The following SHTN1 variants were observed in gnomAD, a reference collection of about 807,000 sequenced individuals.
The protein encoded by SHTN1 is shootin-1.
Under a neutral mutation model 83.1 loss-of-function variants are expected in SHTN1, and 42 were observed. That is an observed-to-expected ratio of 0.51 (90% CI 0.39 to 0.65). The LOEUF (loss-of-function observed/expected upper bound fraction) is 0.65, where lower values mean the gene tolerates loss of function less well. Ranked by LOEUF, SHTN1 falls within the 30% of genes least tolerant of loss-of-function variation. SHTN1 has a pLI of 0.00. For synonymous variants in SHTN1, 224 were observed against 247.7 expected, an observed-to-expected ratio of 0.90 and a Z score of 0.90; for missense variants, 622 against 737.8, an observed-to-expected ratio of 0.84 and a Z score of 1.82.
intron 2 of SHTN1, among the ~76,000 whole-genome samples, chr10:117,011,454 T>C (rs879407008): frequency 3.9e-5 from 6 of 152,204 alleles, no homozygotes; most frequent in Non-Finnish European, 8.8e-5. Context: ...TATTAGTCAA[T>C]ATGTCTGTCC....
chr10:117,088,880 GTCTGGGGCACTT>G (rs1456857492), intron 1 of SHTN1, among the ~76,000 whole-genome samples: 1 of 152,214 alleles, frequency 6.6e-6, no homozygotes, highest in Non-Finnish European at 1.5e-5. Flanking sequence ...CAGGGGTCTT[GTCTGGGGCACTT>G]TCAGTGAAGC....
chr10:117,075,358 G>C (rs1255865684), intron 1 of SHTN1, among the ~76,000 whole-genome samples: 1 of 152,268 alleles, frequency 6.6e-6, no homozygotes, highest in South Asian at 2.1e-4. Context: ...ATTTGAGATG[G>C]TAAAAGCCTT....
chr10:116,905,171 C>T (rs1414501054), intron 15 of SHTN1, among the ~76,000 whole-genome samples: 1 of 146,390 alleles, frequency 6.8e-6, no homozygotes, highest in East Asian at 2.0e-4. Flanking sequence ...CACTGCAGTC[C>T]GCAGTCCAGC....
At chr10:116,893,222 T>C (rs1847394113) in intron 16 of SHTN1, among the ~76,000 whole-genome samples, 2 of 152,070 alleles carry the variant, frequency 1.3e-5, no homozygotes, top group South Asian at 2.1e-4. Flanking sequence ...GATAACTCCT[T>C]GGCAGCGGGG....
Position 116,882,416 on chromosome 10 carries a change from AT to A in SHTN1, c.*3927del, listed in dbSNP as rs1470438394. On this transcript the variant is annotated 3_prime_UTR_variant, in exon 17 of 17. Coordinates refer to ENST00000355371, the MANE Select transcript of SHTN1 (RefSeq NM_001127211.3). ...CAAGTGATAAAAAAAAAAAAAAAAA[AT>A]GATGTGACATATCCATTGCCTGAAT... 1.5e-3 allele frequency: 173 copies of A among 112,334 alleles called. No individual in the cohort carries two copies. Among genetic ancestry groups the A allele is most frequent in the African/African-American group, 5.2e-3 (152 of 29,332 alleles). The allele number at this position is 112,334 out of a possible 1,614,324, so 7.0% of individuals were successfully genotyped here. A position where few individuals can be genotyped will look rare whatever the true frequency, so the allele number is the denominator to read the frequency against.
intron 1 of SHTN1, among the ~76,000 whole-genome samples, chr10:117,079,015 A>G (rs200302740): frequency 0.085 from 4,288 of 50,470 alleles, 142 homozygotes; most frequent in East Asian, 0.33. Flanking sequence ...TTGGCTAGAG[A>G]TTTGTGAATT....
intron 2 of SHTN1, among the ~76,000 whole-genome samples, chr10:117,018,841 G>T (rs535911578): frequency 6.6e-6 from 1 of 152,110 alleles, no homozygotes. Flanking sequence ...AAAGTGCTGG[G>T]ATTACAGGCG....
chr10:116,900,383 A>C lies in SHTN1; in HGVS notation c.1673+1382T>G, dbSNP rs1200469386. On this transcript the variant is annotated intron_variant, in intron 16 of 16. Coordinates refer to ENST00000355371, the MANE Select transcript of SHTN1 (RefSeq NM_001127211.3). ...ATCTAACAACTGTGTCTGTCAACACATGGATCCTTTTCACTGTCAATTCAA... is the reference window on the plus strand; with the variant it reads ...ATCTAACAACTGTGTCTGTCAACACCTGGATCCTTTTCACTGTCAATTCAA... 3 of 671,368 alleles carry C rather than the reference A, an allele frequency of 4.5e-6. No individual in the cohort carries two copies. The Admixed American group carries it at 7.6e-5, about 17-fold the overall frequency. The allele number at this position is 671,368 out of a possible 1,614,324, so 41.6% of individuals were successfully genotyped here.
intron 2 of SHTN1, among the ~76,000 whole-genome samples, chr10:116,973,649 G>A (rs1029577682): frequency 6.6e-6 from 1 of 152,116 alleles, no homozygotes; most frequent in Non-Finnish European, 1.5e-5. Context: ...AAGGACACCC[G>A]ATATAATGTG....
At chr10:116,933,207 T>C (rs1194047519) in intron 9 of SHTN1, among the ~76,000 whole-genome samples, 2 of 152,124 alleles carry the variant, frequency 1.3e-5, no homozygotes, top group Non-Finnish European at 2.9e-5. Context: ...CTGGGATACA[T>C]GTGTAGAATG....
chr10:116,970,872 A>G (rs1589855761), intron 2 of SHTN1, among the ~76,000 whole-genome samples: 1 of 152,106 alleles, frequency 6.6e-6, no homozygotes, highest in Non-Finnish European at 1.5e-5. Flanking sequence ...AATATACAAC[A>G]TTTATAACAG....
At position 116,954,076 on chromosome 10, in the gene SHTN1, A is replaced by G; in HGVS notation, c.402T>C (p.Thr134=). ...GCTTCTGACACTGTACTGAGACACA[A>G]GTCTCGGCGGCACCGTCTGTGTCTG... The part of the protein sequence containing the change: ...STTDTDGAAE[T]CVSVQCQKQI... Residue 134 remains threonine (T), a synonymous_variant, in exon 5 of 17, where the codon ACT becomes ACC. Transcript: ENST00000355371. 6.2e-7 allele frequency: 1 copy of G among 1,612,890 alleles called. No individual in the cohort carries two copies. Among genetic ancestry groups the G allele is most frequent in the South Asian group, 1.1e-5 (1 of 90,734 alleles).
chr10:116,979,049 C>T (rs939464396), intron 2 of SHTN1, among the ~76,000 whole-genome samples: 2 of 152,204 alleles, frequency 1.3e-5, no homozygotes, highest in African/African-American at 4.8e-5. Flanking sequence ...CAGAGCTGCA[C>T]CCACTGTGGC....
At chr10:116,918,562 T>C (rs1333604831) in intron 12 of SHTN1, among the ~76,000 whole-genome samples, 1 of 152,208 alleles carries the variant, frequency 6.6e-6, no homozygotes, top group African/African-American at 2.4e-5. Flanking sequence ...GTCATAAAGT[T>C]AAAGAAATTT....
intron 9 of SHTN1, 27 bp downstream of exon 9, chr10:116,940,439 C>T (rs1311465444): frequency 6.2e-7 from 1 of 1,610,730 alleles, no homozygotes; most frequent in Admixed American, 1.7e-5. Context: ...GTGTGTGTAC[C>T]TAAGATTCCA....
At chr10:116,961,141 C>T (rs1850170313) in intron 3 of SHTN1, among the ~76,000 whole-genome samples, 1 of 151,412 alleles carries the variant, frequency 6.6e-6, no homozygotes, top group Non-Finnish European at 1.5e-5. Context: ...AATTAAAGGA[C>T]ACCCAAATGT....
At chr10:117,015,588 C>T (rs533814198) in intron 2 of SHTN1, among the ~76,000 whole-genome samples, 1 of 152,312 alleles carries the variant, frequency 6.6e-6, no homozygotes, top group Admixed American at 6.5e-5. Flanking sequence ...GCCTCAGCCT[C>T]CCAAAGTGCT....
chr10:117,048,109 AC>A (rs1414303562), intron 2 of SHTN1, among the ~76,000 whole-genome samples: 1 of 152,148 alleles, frequency 6.6e-6, no homozygotes. Context: ...ATAAGTCATC[AC>A]ATATATAAAC....
At chr10:116,977,203 CAAG>C (rs1375099870) in intron 2 of SHTN1, among the ~76,000 whole-genome samples, 5 of 152,180 alleles carry the variant, frequency 3.3e-5, no homozygotes, top group African/African-American at 9.6e-5. Flanking sequence ...AAGGATTAAA[CAAG>C]AAGAATAAAT....
Sources: allele counts gnomAD v4.1 joint callset (sites outside exome capture counted in the v4.1 genomes callset), GRCh38; gene constraint gnomAD v4.1.1; transcripts MANE v1.5; gene names NCBI Gene and HGNC (gene_info 2026-07-23, HGNC 2026-07-21).